Variants in ACACB observed in about 807,000 individuals in gnomAD.
The protein encoded by ACACB is acetyl-CoA carboxylase 2.
Under a neutral mutation model 278.8 loss-of-function variants are expected in ACACB, and 209 were observed. That is an observed-to-expected ratio of 0.75 (90% CI 0.67 to 0.84). The LOEUF is 0.84. Ranked by LOEUF, ACACB falls within the 40% of genes least tolerant of loss-of-function variation. The pLI, the probability that ACACB is intolerant of heterozygous loss-of-function variation, is 0.00. For synonymous variants in ACACB, 1,174 were observed against 1,285.6 expected (o/e 0.91, Z 1.86); for missense variants, 2,850 against 3,269.0 (o/e 0.87, Z 3.13).
At chr12:109,216,279 T>G in intron 22 of ACACB, among the ~76,000 whole-genome samples, 1 of 147,412 alleles carries the variant, frequency 6.8e-6, no homozygotes, top group Non-Finnish European at 1.5e-5. Flanking sequence ...TGGAGTGCAG[T>G]GGTGCGATCT....
intron 1 of ACACB, among the ~76,000 whole-genome samples, chr12:109,130,076 G>A (rs755405672): frequency 2.6e-5 from 4 of 152,166 alleles, no homozygotes; most frequent in Non-Finnish European, 4.4e-5. Flanking sequence ...GAGAGGGGAG[G>A]TGATTTGTTC....
At chr12:109,257,426 A>G (rs1242054804) in intron 45 of ACACB, among the ~76,000 whole-genome samples, 1 of 152,022 alleles carries the variant, frequency 6.6e-6, no homozygotes. Flanking sequence ...GTAGTGATGC[A>G]CAGTTCAGTA....
intron 16 of ACACB, among the ~76,000 whole-genome samples, chr12:109,194,277 C>A (rs1001624847): frequency 3.9e-5 from 6 of 152,110 alleles, no homozygotes; most frequent in African/African-American, 4.8e-5. Context: ...CTCACTGCAA[C>A]CTCCATCTCC....
rs77728510 is a variant in ACACB, at chr12:109,197,863, A to G, written c.2627+710A>G. 6.2e-3 allele frequency among the ~76,000 whole-genome samples: 939 copies of G among 152,256 alleles called. 11 individuals are homozygous for G. Among genetic ancestry groups the G allele is most frequent in the African/African-American group, 0.021 (893 of 41,552 alleles). On this transcript the variant is annotated intron_variant, in intron 17 of 52. Coordinates refer to ENST00000338432, the MANE Select transcript of ACACB (RefSeq NM_001093.4). ...TCCTCAATGTTTTGGAAGAAGGAAG[A>G]CTAGGTTTATGCCAGAGTAATATTT...
chr12:109,179,348 C>T (rs993223063), intron 10 of ACACB, 51 bp downstream of exon 10: 14 of 1,565,284 alleles, frequency 8.9e-6, no homozygotes, highest in Admixed American at 7.3e-5. Context: ...CGTCTCAGCT[C>T]AGAGTCAGGA....
intron 2 of ACACB, among the ~76,000 whole-genome samples, chr12:109,157,784 A>AT (rs2043590445): frequency 6.6e-6 from 1 of 152,184 alleles, no homozygotes; most frequent in Non-Finnish European, 1.5e-5. Context: ...ATGATGACTG[A>AT]TTTTTCATGG....
chr12:109,255,725 T>A (rs1360092216), intron 44 of ACACB, among the ~76,000 whole-genome samples: 1 of 152,212 alleles, frequency 6.6e-6, no homozygotes, highest in Non-Finnish European at 1.5e-5. Flanking sequence ...ATTAAGTGGT[T>A]ATGAAGCTGC....
chr12:109,135,040 A>G (rs959397271), intron 1 of ACACB, among the ~76,000 whole-genome samples: 6 of 152,164 alleles, frequency 3.9e-5, no homozygotes, highest in Non-Finnish European at 8.8e-5. Flanking sequence ...TAGGAGTGAG[A>G]TTGCTGGATC....
chr12:109,253,594 T>C (rs1191478694), intron 43 of ACACB, among the ~76,000 whole-genome samples: 1 of 152,194 alleles, frequency 6.6e-6, no homozygotes, highest in African/African-American at 2.4e-5. Context: ...CTCATGGTGT[T>C]ATCATGATGA....
Position 109,264,374 on chromosome 12 carries a change from G to A in ACACB, c.6930G>A (p.Lys2310=), listed in dbSNP as rs1432844241. The A allele has an allele frequency of 6.2e-7, 1 of 1,613,968 alleles. No homozygotes were observed. Among genetic ancestry groups the A allele is most frequent in the Non-Finnish European group, 8.5e-7 (1 of 1,180,034 alleles). The change falls in exon 50 of 53, where the codon AAG becomes AAA. Residue 2310 remains lysine (K), a synonymous_variant. Transcript: ENST00000338432. ...ACACACCCGGCCGGATGCTGGAGAAGGGCGTCATATCTGTGAGAGCCACAG... is the reference window on the plus strand; with the variant it reads ...ACACACCCGGCCGGATGCTGGAGAAAGGCGTCATATCTGTGAGAGCCACAG... ...FHDTPGRMLE[K]GVISDILEWK...
chr12:109,166,655 A>AAAAAAC (rs2043908093), intron 2 of ACACB, among the ~76,000 whole-genome samples: 4 of 130,190 alleles, frequency 3.1e-5, no homozygotes, highest in Non-Finnish European at 6.8e-5. Flanking sequence ...GTCTCAAAAA[A>AAAAAAC]AAAAAAAAAA....
In ACACB at chr12:109,139,455, T is replaced by C. The variant is rs144316349; in HGVS notation, c.50T>C (p.Phe17Ser). 2.1e-5 allele frequency: 34 copies of C among 1,614,152 alleles called. No individual in the cohort carries two copies. In the African/African-American group the frequency reaches 2.8e-4, roughly 13 times the overall value. The change falls in exon 2 of 53, where the codon TTT becomes TCT. Residue 17 changes from phenylalanine (F) to serine (S), a missense_variant. By Grantham distance (155) the Phe-to-Ser change is radical. Around this residue, in one of 3 missense-constraint regions of ACACB, gnomAD observed 2,265 missense variants for 2,561.3 expected, o/e 0.88. Coordinates refer to ENST00000338432, the MANE Select transcript of ACACB (RefSeq NM_001093.4). ...LSCLIFSCLTFSWLKIWGKMT... is the reference protein window; with the variant it reads ...LSCLIFSCLTSSWLKIWGKMT... ...TGTCTGATTTTCTCCTGTCTGACCT[T>C]TTCCTGGTTAAAAATCTGGGGGAAA...
intron 2 of ACACB, chr12:109,154,617 G>T (rs2043471395): frequency 6.6e-6 from 1 of 152,116 alleles, no homozygotes; most frequent in Admixed American, 6.6e-5. Flanking sequence ...GGGTCGGTGT[G>T]GGGGCGGGGC....
intron 4 of ACACB, among the ~76,000 whole-genome samples, chr12:109,171,393 AG>A (rs1175680101): frequency 6.6e-6 from 1 of 151,206 alleles, no homozygotes; most frequent in African/African-American, 2.4e-5. Context: ...TCTGTCACCC[AG>A]GCTGGAGTGC....
chr12:109,159,507 A>G (rs80144377), intron 2 of ACACB, among the ~76,000 whole-genome samples: 3,285 of 152,260 alleles, frequency 0.022, 99 homozygotes, highest in African/African-American at 0.07. Context: ...CATGTGAGGA[A>G]ACTGAGGCAG....
intron 9 of ACACB, among the ~76,000 whole-genome samples, chr12:109,178,691 T>G (rs1388017671): frequency 6.6e-6 from 1 of 152,214 alleles, no homozygotes; most frequent in East Asian, 1.9e-4. Flanking sequence ...TATGAAAATA[T>G]GTTGCAAGAT....
At chr12:109,207,509 G>A (rs1009274464) in intron 20 of ACACB, among the ~76,000 whole-genome samples, 1 of 152,194 alleles carries the variant, frequency 6.6e-6, no homozygotes, top group African/African-American at 2.4e-5. Flanking sequence ...TGCTCACTCA[G>A]TAGAGAAACA....
intron 34 of ACACB, 54 bp from the exon 35 acceptor site, chr12:109,239,776 G>C (rs1445343428): frequency 1.2e-5 from 18 of 1,509,702 alleles, no homozygotes; most frequent in Non-Finnish European, 1.5e-5. Context: ...CCAGCCAGCT[G>C]GGAGTAGGCC....
chr12:109,155,378 C>T (rs1482719875), intron 2 of ACACB, among the ~76,000 whole-genome samples: 1 of 152,218 alleles, frequency 6.6e-6, no homozygotes, highest in Non-Finnish European at 1.5e-5. Flanking sequence ...GTAGGCATCT[C>T]AGTGCCTGAG....
Sources: gnomAD v4.1 joint callset for allele counts (sites outside exome capture counted in the v4.1 genomes callset) on GRCh38, gnomAD v4.1.1 for gene constraint, gnomAD v4.1.1 regional missense constraint, MANE v1.5 for transcripts, NCBI Gene and HGNC (gene_info 2026-07-23, HGNC 2026-07-21) for gene names.